The following PIEZO2 variants were observed in gnomAD, a reference collection of about 807,000 sequenced individuals.
PIEZO2 encodes piezo type mechanosensitive ion channel component 2.
In PIEZO2, 172 loss-of-function variants were observed where a neutral mutation model predicts 337.3. That is an observed-to-expected ratio of 0.51 (90% CI 0.45 to 0.58). The LOEUF (loss-of-function observed/expected upper bound fraction) is 0.58. Among genes scored for constraint, PIEZO2 ranks in the 20% least tolerant of loss-of-function variants. PIEZO2 has a pLI of 0.00. For missense variants in PIEZO2, 3,028 were observed against 3,391.3 expected, an observed-to-expected ratio of 0.89 and a Z score of 2.66; for synonymous variants, 1,251 against 1,228.5, an observed-to-expected ratio of 1.02 and a Z score of -0.38.
chr18:10,702,722 G>A (rs1163795490), intron 42 of PIEZO2, among the ~76,000 whole-genome samples: 2 of 152,200 alleles, frequency 1.3e-5, no homozygotes, highest in Admixed American at 6.5e-5. Flanking sequence ...ATTCTGGTGC[G>A]TAGCAGGGTT....
intron 1 of PIEZO2, among the ~76,000 whole-genome samples, chr18:11,076,011 C>T (rs1165028016): frequency 2.0e-5 from 3 of 152,104 alleles, no homozygotes; most frequent in Admixed American, 6.5e-5. Context: ...TGGCCTGGAT[C>T]TCCTGACCTT....
In PIEZO2 at chr18:10,696,486, G is replaced by A. The variant is rs192092641; in HGVS notation, c.6881C>T (p.Pro2294Leu). Residue 2294 changes from proline to leucine, a missense_variant, in exon 46 of 56, where the codon CCG becomes CTG. Transcript: ENST00000674853. ...IKQFFYNLIHPEYSAVTDVYV... is the reference protein window; with the variant it reads ...IKQFFYNLIHLEYSAVTDVYV... ...CACGTCAGTCACGGCGCTATACTCC[G>A]GGTGGATGAGGTTGTAAAAGAACTG... 2.5e-5 allele frequency: 40 copies of A among 1,614,084 alleles called. 1 individual carries two copies. In the Admixed American group the frequency reaches 3.3e-4, roughly 13 times the overall value.
chr18:10,759,373 A>T lies in PIEZO2; in HGVS notation c.3757+109T>A. On this transcript the variant is annotated intron_variant, in intron 26 of 55. Coordinates refer to ENST00000674853, the MANE Select transcript of PIEZO2 (RefSeq NM_001378183.1). This position sits in a 1 kb window ranked among gnomAD's most constrained non-coding sequence, Gnocchi z 5.5. ...AATGCATAAGACAAGCCTTTACATGATTACGAAGTCTAGTGGAAGACAAAA... is the reference window on the plus strand; with the variant it reads ...AATGCATAAGACAAGCCTTTACATGTTTACGAAGTCTAGTGGAAGACAAAA... 1 of 900,580 alleles carries T rather than the reference A, an allele frequency of 1.1e-6. No individual in the cohort carries two copies. Among genetic ancestry groups the T allele is most frequent in the Admixed American group, 2.2e-5 (1 of 44,838 alleles). The allele number at this position is 900,580 out of a possible 1,614,324, so 55.8% of individuals were successfully genotyped here.
intron 7 of PIEZO2, among the ~76,000 whole-genome samples, chr18:10,848,019 A>C (rs1307476825): frequency 6.6e-6 from 1 of 152,206 alleles, no homozygotes; most frequent in Non-Finnish European, 1.5e-5. Flanking sequence ...ATTAAACACA[A>C]TTTAGTCTTT....
intron 1 of PIEZO2, among the ~76,000 whole-genome samples, chr18:11,074,243 T>C (rs1030551315): frequency 3.9e-5 from 6 of 152,150 alleles, no homozygotes; most frequent in Non-Finnish European, 8.8e-5. Context: ...GACCATATTC[T>C]CGCTGCACAA....
At chr18:10,741,556 G>A (rs1294599598) in intron 32 of PIEZO2, among the ~76,000 whole-genome samples, 1 of 152,092 alleles carries the variant, frequency 6.6e-6, no homozygotes, top group Admixed American at 6.6e-5. Context: ...TCCTGGTCAT[G>A]AATAGATACT....
rs993775536 is a variant in PIEZO2, at chr18:10,744,035, C to A, written c.4514+107G>T. On this transcript the variant is annotated intron_variant, in intron 31 of 55. Coordinates refer to ENST00000674853, the MANE Select transcript of PIEZO2 (RefSeq NM_001378183.1). Reference sequence around the variant, plus strand: ...AAATAGGAAGTTGTGAAAGTCCATACATATATATTTTTCAGGGGTTTGAGG... The same window carrying A: ...AAATAGGAAGTTGTGAAAGTCCATAAATATATATTTTTCAGGGGTTTGAGG... 1.7e-5 allele frequency: 12 copies of A among 718,354 alleles called. No homozygotes were observed. The Admixed American group carries it at 3.4e-4, about 20-fold the overall frequency. 44.5% of individuals were successfully genotyped at this position (718,354 alleles called of 1,614,324 possible).
chr18:10,715,106 C>T (rs1022683854), intron 38 of PIEZO2, among the ~76,000 whole-genome samples, 176 bp from the exon 39 acceptor site: 4 of 152,186 alleles, frequency 2.6e-5, no homozygotes, highest in Non-Finnish European at 5.9e-5. Flanking sequence ...TCCAACATTA[C>T]TAGGTAGATC....
At chr18:10,910,167 A>G (rs2145065129) in intron 4 of PIEZO2, among the ~76,000 whole-genome samples, 2 of 152,400 alleles carry the variant, frequency 1.3e-5, no homozygotes, top group Admixed American at 1.3e-4. Flanking sequence ...AAATGAAATT[A>G]AAATGACTTT....
In PIEZO2 at chr18:10,855,630, A is replaced by AT; in HGVS notation, c.704-65dup. ...TGGAAATTCACTTATCATTCAGTGA[A>AT]TGTGACTATTTGAAATTATGTGAAT... On this transcript the variant is annotated intron_variant, in intron 6 of 55. Transcript: ENST00000674853. This position sits in a 1 kb window ranked among gnomAD's most constrained non-coding sequence, Gnocchi z 4.9. 14 of 1,250,574 alleles carry AT rather than the reference A, an allele frequency of 1.1e-5. No individual in the cohort carries two copies. Among genetic ancestry groups the AT allele is most frequent in the Non-Finnish European group, 1.4e-5 (13 of 906,796 alleles). 77.5% of individuals were successfully genotyped at this position (1,250,574 alleles called of 1,614,324 possible). A position where few individuals can be genotyped will look rare whatever the true frequency, so the allele number is the denominator to read the frequency against.
rs1468601403 is a variant in PIEZO2, at chr18:10,724,853, G to A, written c.5029+6554C>T. 5.6e-6 allele frequency: 9 copies of A among 1,605,438 alleles called. No individual in the cohort carries two copies. The East Asian group carries it at 1.3e-4, about 24-fold the overall frequency. ...CTGGGCCACGGCGGCCACATGCGTCGCAGTGAGAGCACCTACTCTGTAAAT... is the reference window on the plus strand; with the variant it reads ...CTGGGCCACGGCGGCCACATGCGTCACAGTGAGAGCACCTACTCTGTAAAT... On this transcript the variant is annotated intron_variant, in intron 36 of 55. Coordinates refer to ENST00000674853, the MANE Select transcript of PIEZO2 (RefSeq NM_001378183.1). This position sits in a 1 kb window ranked among gnomAD's most constrained non-coding sequence, Gnocchi z 5.8.
Position 11,048,326 on chromosome 18 carries a change from TTACTCA to T in PIEZO2, c.160+17795_160+17800del. Among the ~76,000 whole-genome samples, 1 of 152,310 alleles carries T rather than the reference TTACTCA, an allele frequency of 6.6e-6. No homozygotes were observed. Among genetic ancestry groups the T allele is most frequent in the East Asian group, 1.9e-4 (1 of 5,184 alleles). ...AAGATTGAAAAGACCTGTCTTACGG[TTACTCA>T]TGGCTCTGGGGCCAAGCGGACTGCC... On this transcript the variant is annotated intron_variant, in intron 2 of 55. Transcript: ENST00000674853. The surrounding 1 kb of genome is among the most constrained non-coding windows in gnomAD (Gnocchi z 4.5).
rs148298097 is a variant in PIEZO2 at position 11,105,051 on chromosome 18, C to T, written c.65-38829G>A. Among the ~76,000 whole-genome samples the T allele has an allele frequency of 3.1e-3, 467 of 152,278 alleles. 2 individuals are homozygous for T. The highest frequency in any genetic ancestry group is 0.01 in the Middle Eastern group (3 of 294). On this transcript the variant is annotated intron_variant, in intron 1 of 55. Transcript: ENST00000674853. The surrounding 1 kb of genome is among the most constrained non-coding windows in gnomAD (Gnocchi z 4.3). ...TCTGTTAGCCTAAAATTACCACTTA[C>T]TATCATTTGGCAAAGAACAGCTTGA...
At chr18:10,692,700 T>G (rs758586252) in intron 47 of PIEZO2, among the ~76,000 whole-genome samples, 2 of 152,236 alleles carry the variant, frequency 1.3e-5, no homozygotes, top group Non-Finnish European at 2.9e-5. Context: ...ATTTCTGGAC[T>G]CTCTGTTCTG....
At chr18:10,922,932 C>T (rs114806965) in intron 3 of PIEZO2, among the ~76,000 whole-genome samples, 1,785 of 152,170 alleles carry the variant, frequency 0.012, 39 homozygotes, top group African/African-American at 0.04. Flanking sequence ...AAGAATAGAC[C>T]TTTACTGTGT....
intron 4 of PIEZO2, among the ~76,000 whole-genome samples, chr18:10,876,021 A>T (rs1043814097): frequency 4.8e-4 from 73 of 152,256 alleles, no homozygotes; most frequent in Non-Finnish European, 1.2e-4. Flanking sequence ...AAAGCAGTGC[A>T]TTCATAATAC....
intron 3 of PIEZO2, among the ~76,000 whole-genome samples, chr18:10,930,394 A>G (rs574639468): frequency 6.6e-6 from 1 of 152,276 alleles, no homozygotes; most frequent in African/African-American, 2.4e-5. Context: ...CTTTCAACCA[A>G]TTGCCAATCA....
At chr18:11,145,187 T>C (rs898931801) in intron 1 of PIEZO2, among the ~76,000 whole-genome samples, 1 of 152,248 alleles carries the variant, frequency 6.6e-6, no homozygotes, top group African/African-American at 2.4e-5. Flanking sequence ...TTAAAGTTTT[T>C]GGTGGCTATG....
rs60030504 is a variant in PIEZO2 at position 10,877,984 on chromosome 18, G to A, written c.330-6569C>T. On this transcript the variant is annotated intron_variant, in intron 4 of 55. Coordinates refer to ENST00000674853, the MANE Select transcript of PIEZO2 (RefSeq NM_001378183.1). This position sits in a 1 kb window ranked among gnomAD's most constrained non-coding sequence, Gnocchi z 5.3. ...CTTCTCCCTTGGCCAACTTCTCCCAGTATGCTTCAGGTTCTCCTCATCTCT... is the reference window on the plus strand; with the variant it reads ...CTTCTCCCTTGGCCAACTTCTCCCAATATGCTTCAGGTTCTCCTCATCTCT... Among the ~76,000 whole-genome samples the A allele has an allele frequency of 0.019, 2,875 of 152,172 alleles. 107 individuals carry two copies. The highest frequency in any genetic ancestry group is 0.066 in the African/African-American group (2,742 of 41,514).
Sources: allele counts gnomAD v4.1 joint callset (sites outside exome capture counted in the v4.1 genomes callset), GRCh38; gene constraint gnomAD v4.1.1; non-coding constraint Gnocchi (gnomAD v3.1); transcripts MANE v1.5; gene names NCBI Gene and HGNC (gene_info 2026-07-23, HGNC 2026-07-21).